Variants in KIAA0825 observed in about 807,000 individuals in gnomAD.
KIAA0825 encodes KIAA0825, also known as uncharacterized protein KIAA0825.
KIAA0825 carries 119 observed loss-of-function variants against 147.6 expected under a neutral mutation model. The observed-to-expected ratio is 0.81, with a 90% confidence interval of 0.69 to 0.94. KIAA0825 has a LOEUF of 0.94. KIAA0825 is among the 40% of genes least tolerant of loss of function. The pLI is 0.00. For synonymous variants in KIAA0825, 470 were observed against 518.1 expected, an observed-to-expected ratio of 0.91 and a Z score of 1.26; for missense variants, 1,381 against 1,472.7, an observed-to-expected ratio of 0.94 and a Z score of 1.02.
intron 20 of KIAA0825, among the ~76,000 whole-genome samples, chr5:94,250,694 A>G (rs1775910166): frequency 1.3e-5 from 2 of 152,204 alleles, no homozygotes; most frequent in Admixed American, 6.6e-5. Flanking sequence ...TCATGGCTCA[A>G]CTGGTTCTGG....
intron 20 of KIAA0825, among the ~76,000 whole-genome samples, chr5:94,274,108 G>A (rs2150146374): frequency 6.6e-6 from 1 of 152,144 alleles, no homozygotes; most frequent in East Asian, 1.9e-4. Flanking sequence ...AATTTATGAG[G>A]ACTCAGAATC....
In KIAA0825 at chr5:94,347,654, T is replaced by A. The variant is rs7718015; in HGVS notation, c.3710+36714A>T. Reference sequence around the variant, plus strand: ...GTGGGACCAAAGAAACTGAACAACATCCTTCAGCCCTAGACCTTCCCTCTA... The same window carrying A: ...GTGGGACCAAAGAAACTGAACAACAACCTTCAGCCCTAGACCTTCCCTCTA... On this transcript the variant is annotated intron_variant, in intron 20 of 20. Coordinates refer to ENST00000682413, the MANE Select transcript of KIAA0825 (RefSeq NM_001145678.3). Among the ~76,000 whole-genome samples, 1,403 of 152,212 alleles carry A rather than the reference T, an allele frequency of 9.2e-3. 21 individuals carry two copies. Among genetic ancestry groups the A allele is most frequent in the African/African-American group, 0.032 (1,337 of 41,512 alleles).
At chr5:94,387,838 G>A (rs1299964819) in intron 18 of KIAA0825, among the ~76,000 whole-genome samples, 2 of 152,188 alleles carry the variant, frequency 1.3e-5, no homozygotes, top group Non-Finnish European at 2.9e-5. Context: ...CTGTGGGGAG[G>A]AGCCACATTT....
At chr5:94,533,103 T>C (rs113481037) in intron 3 of KIAA0825, among the ~76,000 whole-genome samples, 1,576 of 151,184 alleles carry the variant, frequency 0.01, 29 homozygotes, top group African/African-American at 0.035. Flanking sequence ...CTCAGCCTCC[T>C]GAGTAGCTGG....
At chr5:94,531,964 C>T (rs1004493360) in intron 3 of KIAA0825, among the ~76,000 whole-genome samples, 2 of 152,004 alleles carry the variant, frequency 1.3e-5, no homozygotes, top group African/African-American at 4.8e-5. Flanking sequence ...TATCTACATA[C>T]ATATAAACAG....
At chr5:94,459,966 G>T (rs892274322) in intron 12 of KIAA0825, among the ~76,000 whole-genome samples, 1 of 151,970 alleles carries the variant, frequency 6.6e-6, no homozygotes, top group Non-Finnish European at 1.5e-5. Context: ...ATTACATCTT[G>T]CTCATTGTTG....
chr5:94,510,379 T>C (rs983352429), intron 5 of KIAA0825, among the ~76,000 whole-genome samples: 2 of 152,248 alleles, frequency 1.3e-5, no homozygotes, highest in African/African-American at 4.8e-5. Flanking sequence ...ATTGTCCTGT[T>C]ACAAAAGAGA....
chr5:94,549,160 ATAGATCAT>A (rs1246275392), intron 2 of KIAA0825, among the ~76,000 whole-genome samples: 1 of 152,196 alleles, frequency 6.6e-6, no homozygotes, highest in African/African-American at 2.4e-5. Flanking sequence ...TCCTCAGCAC[ATAGATCAT>A]TCTTAAGGAA....
intron 20 of KIAA0825, among the ~76,000 whole-genome samples, chr5:94,377,632 T>G (rs1030875704): frequency 6.6e-6 from 1 of 152,144 alleles, no homozygotes; most frequent in African/African-American, 2.4e-5. Context: ...GTACAATCAC[T>G]GTACTTATTC....
At chr5:94,551,728 G>A (rs958959767) in intron 2 of KIAA0825, among the ~76,000 whole-genome samples, 2 of 151,990 alleles carry the variant, frequency 1.3e-5, no homozygotes, top group Non-Finnish European at 2.9e-5. Flanking sequence ...ACATCTGAAT[G>A]TGAAAAGATG....
At chr5:94,214,088 T>G (rs1025624010) in intron 20 of KIAA0825, among the ~76,000 whole-genome samples, 8 of 152,120 alleles carry the variant, frequency 5.3e-5, no homozygotes, top group Non-Finnish European at 1.0e-4. Context: ...ACTCCTGGCG[T>G]CAAGGGATCC....
rs146538860 is a variant in KIAA0825, at chr5:94,235,225, A to G, written c.3711-81101T>C. Among the ~76,000 whole-genome samples, 269 of 152,354 alleles carry G rather than the reference A, an allele frequency of 1.8e-3. 4 individuals are homozygous for G. The highest frequency in any genetic ancestry group is 6.2e-3 in the African/African-American group (259 of 41,580). ...AGGCAGGCAGCCAGGTTGTGAATGC[A>G]AACGAAACATTTTTAAAGGAAATTA... On this transcript the variant is annotated intron_variant, in intron 20 of 20. Transcript: ENST00000682413.
At chr5:94,451,926 T>C (rs560427589) in intron 13 of KIAA0825, among the ~76,000 whole-genome samples, 2 of 150,820 alleles carry the variant, frequency 1.3e-5, no homozygotes, top group Non-Finnish European at 3.0e-5. Flanking sequence ...TTTGCAACAA[T>C]GAGTATTAAG....
At chr5:94,437,255 A>T (rs1756498161) in intron 14 of KIAA0825, among the ~76,000 whole-genome samples, 1 of 152,216 alleles carries the variant, frequency 6.6e-6, no homozygotes, top group Non-Finnish European at 1.5e-5. Context: ...TATTAGTATA[A>T]TTAACAAGAT....
At chr5:94,590,444 G>T (rs1226402363) in intron 1 of KIAA0825, among the ~76,000 whole-genome samples, 1 of 152,056 alleles carries the variant, frequency 6.6e-6, no homozygotes, top group Non-Finnish European at 1.5e-5. Context: ...AACTCTCAAG[G>T]ACAACAGCCA....
At chr5:94,532,011 T>C (rs1386355697) in intron 3 of KIAA0825, among the ~76,000 whole-genome samples, 2 of 152,154 alleles carry the variant, frequency 1.3e-5, no homozygotes, top group East Asian at 1.9e-4. Flanking sequence ...ATTTTTAATA[T>C]GGAAGCTCAA....
chr5:94,254,668 C>A (rs1776151372), intron 20 of KIAA0825, among the ~76,000 whole-genome samples: 1 of 152,026 alleles, frequency 6.6e-6, no homozygotes, highest in Admixed American at 6.6e-5. Context: ...ATGATATTGA[C>A]AAGTTTAATT....
chr5:94,479,747 C>G (rs115281625), intron 6 of KIAA0825, among the ~76,000 whole-genome samples: 3,469 of 152,200 alleles, frequency 0.023, 61 homozygotes, highest in East Asian at 0.067. Context: ...ACATCCTTGC[C>G]AGAATTTGGT....
At chr5:94,255,820 C>T (rs1185720803) in intron 20 of KIAA0825, among the ~76,000 whole-genome samples, 1 of 140,996 alleles carries the variant, frequency 7.1e-6, no homozygotes, top group East Asian at 2.2e-4. Context: ...CTCAGGTGAT[C>T]CTCCCACCTC....
Sources: gnomAD v4.1 joint callset for allele counts (sites outside exome capture counted in the v4.1 genomes callset) on GRCh38, gnomAD v4.1.1 for gene constraint, MANE v1.5 for transcripts, NCBI Gene and HGNC (gene_info 2026-07-23, HGNC 2026-07-21) for gene names.